NWD1: variants seen among roughly 807,000 people sequenced by gnomAD.
NWD1 encodes NACHT domain- and WD repeat-containing protein 1.
A neutral mutation model predicts 135.1 loss-of-function variants in NWD1; 129 were observed. The observed-to-expected ratio is 0.96, with a 90% CI of 0.83 to 1.11. NWD1 has a LOEUF of 1.11. NWD1 is among the 50% of genes least tolerant of loss of function. The pLI is 0.00. For synonymous variants in NWD1, 773 were observed against 786.0 expected, an observed-to-expected ratio of 0.98 and a Z score of 0.28; for missense variants, 1,740 against 1,851.3, an observed-to-expected ratio of 0.94 and a Z score of 1.10.
chr19:16,793,060 TAA>T (rs71180338), intron 14 of NWD1, among the ~76,000 whole-genome samples: 8 of 146,158 alleles, frequency 5.5e-5, no homozygotes, highest in East Asian at 2.0e-4. Flanking sequence ...AATTAAAAAA[TAA>T]AAAAAAAAAG....
intron 5 of NWD1, among the ~76,000 whole-genome samples, chr19:16,746,989 G>T (rs1451710772): frequency 1.3e-5 from 2 of 151,420 alleles, no homozygotes; most frequent in Admixed American, 1.3e-4. Flanking sequence ...CCAACACTGT[G>T]TCATGTAACT....
rs572234449 is a variant in NWD1 at position 16,731,263 on chromosome 19, C to T, written c.66C>T (p.His22=). 1.5e-4 allele frequency: 223 copies of T among 1,530,808 alleles called. No individual in the cohort carries two copies. The African/African-American group carries it at 1.5e-3, about 11-fold the overall frequency. 94.8% of individuals were successfully genotyped at this position (1,530,808 alleles called of 1,614,324 possible). A position where few individuals can be genotyped will look rare whatever the true frequency, so the allele number is the denominator to read the frequency against. Reference sequence around the variant, plus strand: ...AGTGCCAGACCTTCTGCCAGAGGCACGGCTTGATGTTTGAGGTAACTGGAA... The same window carrying T: ...AGTGCCAGACCTTCTGCCAGAGGCATGGCTTGATGTTTGAGGTAACTGGAA... ...TLKCQTFCQR[H]GLMFEVVDLR... is the part of the protein sequence containing the mutation. The change falls in exon 3 of 19, where the codon CAC becomes CAT. Residue 22 remains histidine (H), a synonymous_variant. Transcript: ENST00000524140.
intron 12 of NWD1, among the ~76,000 whole-genome samples, chr19:16,788,349 G>A (rs530665008): frequency 1.0e-4 from 15 of 149,644 alleles, no homozygotes; most frequent in Middle Eastern, 3.4e-3. Flanking sequence ...TGGGTGGATC[G>A]CTTGAGGCCA....
At chr19:16,736,866 C>T (rs1967842908) in intron 4 of NWD1, 116 bp downstream of exon 4, 1 of 682,298 alleles carries the variant, frequency 1.5e-6, no homozygotes, top group Non-Finnish European at 2.6e-6. Context: ...CGTACCTTAT[C>T]CCTATGGCCT....
chr19:16,761,928 T>A (rs1248625143), intron 7 of NWD1, 51 bp from the exon 8 acceptor site: 1 of 1,533,824 alleles, frequency 6.5e-7, no homozygotes, highest in Admixed American at 1.8e-5. Context: ...GCAGCCACCT[T>A]TGAGCTTGAT....
chr19:16,808,834 G>A (rs368551155), intron 18 of NWD1, among the ~76,000 whole-genome samples: 7 of 151,960 alleles, frequency 4.6e-5, no homozygotes, highest in African/African-American at 1.4e-4. Flanking sequence ...TGGCTCACCC[G>A]GCACTTTGGG....
chr19:16,780,012 G>A (rs946232230), intron 12 of NWD1, among the ~76,000 whole-genome samples: 23 of 152,202 alleles, frequency 1.5e-4, no homozygotes, highest in Middle Eastern at 3.4e-3. Flanking sequence ...AGCTGGGCTT[G>A]CTCATGTATC....
At chr19:16,804,473 T>C (rs964144934) in intron 17 of NWD1, among the ~76,000 whole-genome samples, 1 of 151,926 alleles carries the variant, frequency 6.6e-6, no homozygotes, top group Non-Finnish European at 1.5e-5. Flanking sequence ...TACATGCCTG[T>C]AGTCCTAGTT....
intron 4 of NWD1, among the ~76,000 whole-genome samples, chr19:16,739,124 T>G (rs1292510285): frequency 6.7e-6 from 1 of 149,772 alleles, no homozygotes; most frequent in Non-Finnish European, 1.5e-5. Context: ...GTAAATCTCC[T>G]AAATTTCCAG....
chr19:16,740,010 G>A (rs1460306745), intron 4 of NWD1, among the ~76,000 whole-genome samples: 2 of 152,054 alleles, frequency 1.3e-5, no homozygotes. Context: ...GTTATAAAGA[G>A]ATGAGGCTGG....
chr19:16,754,895 A>G (rs1480581125), intron 6 of NWD1, among the ~76,000 whole-genome samples: 1 of 152,144 alleles, frequency 6.6e-6, no homozygotes, highest in Non-Finnish European at 1.5e-5. Flanking sequence ...CCCATCCGTC[A>G]TATCTATCTA....
intron 12 of NWD1, among the ~76,000 whole-genome samples, chr19:16,782,574 G>T (rs1969893644): frequency 6.6e-6 from 1 of 152,054 alleles, no homozygotes; most frequent in Non-Finnish European, 1.5e-5. Flanking sequence ...ATTTAAAGGG[G>T]TGCCCTAAAA....
intron 5 of NWD1, among the ~76,000 whole-genome samples, chr19:16,746,045 T>G (rs572163017): frequency 6.6e-6 from 1 of 152,232 alleles, no homozygotes; most frequent in Non-Finnish European, 1.5e-5. Flanking sequence ...ACGTAACTAC[T>G]AATAGCCCAC....
chr19:16,770,602 C>T (rs1969382104), intron 10 of NWD1, among the ~76,000 whole-genome samples: 1 of 152,092 alleles, frequency 6.6e-6, no homozygotes, highest in African/African-American at 2.4e-5. Flanking sequence ...CTTGCAAACC[C>T]TTTACCATCC....
chr19:16,745,088 C>T (rs1238222275), intron 5 of NWD1: 1 of 472,404 alleles, frequency 2.1e-6, no homozygotes, highest in Non-Finnish European at 4.2e-6. Flanking sequence ...GCTGGGGAGG[C>T]CTCACAATCA....
At chr19:16,771,946 C>T (rs998177957) in intron 10 of NWD1, among the ~76,000 whole-genome samples, 9 of 151,784 alleles carry the variant, frequency 5.9e-5, no homozygotes, top group East Asian at 1.9e-4. Context: ...CAGGCCTGCG[C>T]GCCACCATGC....
At chr19:16,777,070 A>G in intron 11 of NWD1, among the ~76,000 whole-genome samples, 1 of 39,730 alleles carries the variant, frequency 2.5e-5, no homozygotes, top group African/African-American at 1.1e-4. Context: ...GGGAAGGGGA[A>G]AGGGGAAGAA....
chr19:16,769,333 G>A (rs958084665), intron 10 of NWD1, among the ~76,000 whole-genome samples: 21 of 151,664 alleles, frequency 1.4e-4, no homozygotes, highest in East Asian at 7.7e-4. Flanking sequence ...ACGGTAGCAC[G>A]CACCTGTAAT....
chr19:16,733,002 G>A lies in NWD1; in HGVS notation c.81+1724G>A, dbSNP rs149037906. Among the ~76,000 whole-genome samples the A allele has an allele frequency of 6.1e-4, 92 of 151,854 alleles. No individual in the cohort carries two copies. In the East Asian group the frequency reaches 0.013, roughly 22 times the overall value. On this transcript the variant is annotated intron_variant, in intron 3 of 18. Coordinates refer to ENST00000524140, the MANE Select transcript of NWD1 (RefSeq NM_001007525.5). Reference sequence around the variant, plus strand: ...TTTGGGAGGCCAAGGCAGGAGGATTGCTGGAGGCCAGGAGTTTGATACCGG... The same window carrying A: ...TTTGGGAGGCCAAGGCAGGAGGATTACTGGAGGCCAGGAGTTTGATACCGG...
Sources: gnomAD v4.1 joint callset for allele counts (sites outside exome capture counted in the v4.1 genomes callset) on GRCh38, gnomAD v4.1.1 for gene constraint, MANE v1.5 for transcripts, NCBI Gene and HGNC (gene_info 2026-07-23, HGNC 2026-07-21) for gene names.